Variants in ULK1 observed in about 807,000 individuals in gnomAD.
ULK1 encodes the protein unc-51 like autophagy activating kinase 1.
ULK1 carries 48 observed loss-of-function variants against 117.5 expected under a neutral mutation model. That is an observed-to-expected ratio of 0.41 (90% CI 0.32 to 0.52). The LOEUF (loss-of-function observed/expected upper bound fraction) is 0.52, where lower values mean the gene tolerates loss of function less well. Among genes scored for constraint, ULK1 ranks in the 20% least tolerant of loss-of-function variants. The probability of loss-of-function intolerance (pLI) is 0.29; values close to 1 mark genes in which losing one functional copy is unlikely to be tolerated. For synonymous variants in ULK1, 790 were observed against 637.8 expected (o/e 1.24, Z -3.60); for missense variants, 1,387 against 1,473.4 (o/e 0.94, Z 0.96).
intron 3 of ULK1, among the ~76,000 whole-genome samples, chr12:131,901,535 CT>C (rs1375052968): frequency 6.6e-6 from 1 of 152,194 alleles, no homozygotes; most frequent in Non-Finnish European, 1.5e-5. Flanking sequence ...GTGTGCCCCC[CT>C]CCCCCTCTGC....
In ULK1 at chr12:131,909,662, C is replaced by CG. The variant is rs200513338; in HGVS notation, c.667-110dup. The CG allele has an allele frequency of 2.6e-3, 2,996 of 1,163,212 alleles. 40 individuals carry two copies. In the African/African-American group the frequency reaches 0.034, roughly 13 times the overall value. 72.1% of individuals were successfully genotyped at this position (1,163,212 alleles called of 1,614,324 possible). The stretch of plus-strand genomic sequence containing the variant: ...AGCCGCGCTAGCACCCGGTTTCCCC[C>CG]GGGCTTCGCAGCGTCTGGGGCAGGG... On this transcript the variant is annotated intron_variant, in intron 8 of 27. Transcript: ENST00000321867.
At chr12:131,895,450 C>T in intron 1 of ULK1, 151 bp from the exon 2 acceptor site, 4 of 673,780 alleles carry the variant, frequency 5.9e-6, no homozygotes, top group Non-Finnish European at 1.0e-5. Context: ...CCAGGACCCC[C>T]AGCGCGATCC....
chr12:131,916,907 G>T (rs761003975), intron 20 of ULK1, 46 bp from the exon 21 acceptor site: 1 of 1,544,956 alleles, frequency 6.5e-7, no homozygotes, highest in Non-Finnish European at 8.8e-7. Flanking sequence ...GTCCAGTTAG[G>T]GTGGGGTGGG....
chr12:131,909,726 G>A, intron 8 of ULK1, 49 bp from the exon 9 acceptor site: 1 of 1,523,684 alleles, frequency 6.6e-7, no homozygotes, highest in Non-Finnish European at 8.8e-7. Context: ...CCGTGGGCTG[G>A]TCCCGCTCGG....
At position 131,916,505 on chromosome 12, in the gene ULK1, C is replaced by G. The variant is rs61731334; in HGVS notation, c.1986C>G (p.Pro662=). 1.9e-6 allele frequency: 3 copies of G among 1,612,160 alleles called. No individual in the cohort carries two copies. Among genetic ancestry groups the G allele is most frequent in the Non-Finnish European group, 2.5e-6 (3 of 1,179,774 alleles). ...CGCCCCCTCGAAACCGGACGCTGCC[C>G]GACCTCTCGGAGGTGGGACCCTTCC... is the stretch of plus-strand genomic sequence containing the variant. ...VMTPPRNRTL[P]DLSEVGPFHG... The change falls in exon 20 of 28, where the codon CCC becomes CCG. Residue 662 remains proline (P), a synonymous_variant. Transcript: ENST00000321867.
rs754750757 is a variant in ULK1 at position 131,910,250 on chromosome 12, G to A, written c.809-4G>A. 1.9e-6 allele frequency: 3 copies of A among 1,613,674 alleles called. No homozygotes were observed. The highest frequency in any genetic ancestry group is 2.5e-6 in the Non-Finnish European group (3 of 1,179,964). ...TGAGGCCTCACTCCTCCTTCCTCCT[G>A]CAGATGAGTTTTTTCATCACCCTTT... On this transcript the variant is annotated splice_polypyrimidine_tract_variant and splice_region_variant and intron_variant, in intron 10 of 27. Transcript: ENST00000321867.
chr12:131,921,395 G>A lies in ULK1; in HGVS notation c.*34G>A, dbSNP rs750871373. 1.2e-5 allele frequency: 19 copies of A among 1,599,676 alleles called. No individual in the cohort carries two copies. The highest frequency in any genetic ancestry group is 8.0e-5 in the African/African-American group (6 of 74,906). On this transcript the variant is annotated 3_prime_UTR_variant, in exon 28 of 28. Transcript: ENST00000321867. ...GCCTGGCTGGGCCCCCCGTCCTGCC[G>A]AGCCCTGCAGAGTGGGCTCTGTGTG...
chr12:131,907,947 T>C (rs1295221088), intron 5 of ULK1, among the ~76,000 whole-genome samples: 1 of 147,786 alleles, frequency 6.8e-6, no homozygotes, highest in Non-Finnish European at 1.5e-5. Context: ...GCCGCGCCCG[T>C]CTGTTCCCAG....
At chr12:131,909,035 T>C (rs1889402921) in intron 7 of ULK1, 64 bp downstream of exon 7, 7 of 1,611,310 alleles carry the variant, frequency 4.3e-6, no homozygotes, top group Admixed American at 1.7e-5. Context: ...GTTGGTTGGC[T>C]GGCGTGTGGT....
At chr12:131,913,159 C>A in intron 13 of ULK1, 39 bp from the exon 14 acceptor site, 1 of 1,527,838 alleles carries the variant, frequency 6.5e-7, no homozygotes, top group South Asian at 1.2e-5. Flanking sequence ...CCTGGGCAGG[C>A]GGCAAGGACT....
Position 131,914,419 on chromosome 12 carries a change from C to A in ULK1, c.1315C>A (p.Gln439Lys). The A allele has an allele frequency of 6.2e-7, 1 of 1,612,766 alleles. No homozygotes were observed. The highest frequency in any genetic ancestry group is 1.3e-5 in the African/African-American group (1 of 75,076). ...SVPIPVPTQV[Q>K]NYQRIERNLQ... ...CCCCATCCCAGTCCCCACGCAGGTG[C>A]AGAACTACCAGCGCATTGAGCGAAA... Residue 439 changes from glutamine to lysine, a missense_variant, in exon 16 of 28, where the codon CAG (glutamine) becomes AAG (lysine). Physicochemically the swap from Gln to Lys is moderately conservative, Grantham distance 53 (BLOSUM62 1). Around this residue, in one of 4 missense-constraint regions of ULK1, gnomAD observed 900 missense variants for 858.9 expected, o/e 1.05. Transcript: ENST00000321867.
intron 26 of ULK1, 22 bp downstream of exon 26, chr12:131,920,158 G>A: frequency 6.2e-7 from 1 of 1,605,150 alleles, no homozygotes. Context: ...ACAGACACCA[G>A]TGGGGCAGGG....
rs535484638 is a variant in ULK1, at chr12:131,904,434, C to T, written c.247-2458C>T. Among the ~76,000 whole-genome samples, 179 of 152,332 alleles carry T rather than the reference C, an allele frequency of 1.2e-3. 1 individual carries two copies. The highest frequency in any genetic ancestry group is 8.7e-4 in the Non-Finnish European group (59 of 68,032). ...ACATGCTGGGATGACGGGCATGAGC[C>T]ACCGTACCCGGCCAGGCCTTTGCCT... On this transcript the variant is annotated intron_variant, in intron 3 of 27. Transcript: ENST00000321867.
Position 131,919,153 on chromosome 12 carries a change from G to A in ULK1, c.2512-59G>A, listed in dbSNP as rs572282023. On this transcript the variant is annotated intron_variant, in intron 23 of 27. Transcript: ENST00000321867. ...AAGGCGTCATCGGTGAGTCTGAAGG[G>A]AGACAAGCCCCTTCCAAGCCCGGGC... The A allele has an allele frequency of 2.1e-4, 326 of 1,530,436 alleles. 1 individual carries two copies. The highest frequency in any genetic ancestry group is 9.7e-4 in the South Asian group (79 of 81,342). The allele number at this position is 1,530,436 out of a possible 1,614,324, so 94.8% of individuals were successfully genotyped here.
At chr12:131,908,868 G>T (rs533542000) in intron 6 of ULK1, 30 bp from the exon 7 acceptor site, 1 of 1,607,562 alleles carries the variant, frequency 6.2e-7, no homozygotes, top group Admixed American at 1.7e-5. Context: ...CTCCGGGGCC[G>T]GCGCCGGTCC....
chr12:131,917,011 G>T lies in ULK1; in HGVS notation c.2131G>T (p.Ala711Ser). The change falls in exon 21 of 28, where the codon GCC (alanine) becomes TCC (serine). Residue 711 changes from alanine (A) to serine (S), a missense_variant. Physicochemically the swap from Ala to Ser is moderately conservative, Grantham distance 99 (BLOSUM62 1). Coordinates refer to ENST00000321867, the MANE Select transcript of ULK1 (RefSeq NM_003565.4). ...CCTTAAGGCGGCGTTTGGGACACAA[G>T]CCCCGGACCCGGGCAGCACGGAGAG... ...LLLKAAFGTQ[A>S]PDPGSTESLQ... is the part of the protein sequence containing the mutation. 1 of 1,611,050 alleles carries T rather than the reference G, an allele frequency of 6.2e-7. No homozygotes were observed. The highest frequency in any genetic ancestry group is 8.5e-7 in the Non-Finnish European group (1 of 1,179,442).
At position 131,919,209 on chromosome 12, in the gene ULK1, C is replaced by T. The variant is rs1890035134; in HGVS notation, c.2512-3C>T. ...TTGCCGCCCTGACGGCCGCTTCCTG[C>T]AGCAAGAGCACACGGAGATCCTGCG... is the stretch of plus-strand genomic sequence containing the variant. On this transcript the variant is annotated splice_polypyrimidine_tract_variant and splice_region_variant and intron_variant, in intron 23 of 27. Coordinates refer to ENST00000321867, the MANE Select transcript of ULK1 (RefSeq NM_003565.4). 2.5e-6 allele frequency: 4 copies of T among 1,590,034 alleles called. No individual in the cohort carries two copies. The highest frequency in any genetic ancestry group is 1.3e-5 in the African/African-American group (1 of 74,544).
rs780406250 is a variant in ULK1, at chr12:131,914,440, C to T, written c.1336C>T (p.Arg446Ter). The T allele has an allele frequency of 6.2e-7, 1 of 1,612,704 alleles. No individual in the cohort carries two copies. The highest frequency in any genetic ancestry group is 1.1e-5 in the South Asian group (1 of 91,082). ...TQVQNYQRIE[R>*]NLQSPTQFQT... ...GGTGCAGAACTACCAGCGCATTGAG[C>T]GAAACCTGCAGTCACCCACCCAGTT... Residue 446 changes from arginine (R) to a stop codon, truncating the protein, a stop_gained, in exon 16 of 28, where the codon CGA (arginine) becomes TGA (stop). Coordinates refer to ENST00000321867, the MANE Select transcript of ULK1 (RefSeq NM_003565.4). LOFTEE classifies it high-confidence loss of function.
chr12:131,915,818 C>A lies in ULK1; in HGVS notation c.1610-73C>A, dbSNP rs2136402428. On this transcript the variant is annotated intron_variant, in intron 18 of 27. Coordinates refer to ENST00000321867, the MANE Select transcript of ULK1 (RefSeq NM_003565.4). ...TGGAGTGCGTCTACCCCAAGGGGCT[C>A]CGTGTGGTAGCAGTGGGGCCTAGGG... 8.2e-6 allele frequency: 13 copies of A among 1,583,998 alleles called. No homozygotes were observed. The South Asian group carries it at 1.3e-4, about 16-fold the overall frequency.
Sources: gnomAD v4.1 joint callset for allele counts (sites outside exome capture counted in the v4.1 genomes callset) on GRCh38, gnomAD v4.1.1 for gene constraint, gnomAD v4.1.1 regional missense constraint, MANE v1.5 for transcripts, NCBI Gene and HGNC (gene_info 2026-07-23, HGNC 2026-07-21) for gene names.